MICAL1: variants seen among roughly 807,000 people sequenced by gnomAD.
The protein encoded by MICAL1 is microtubule associated monooxygenase, calponin and LIM domain containing 1.
Under a neutral mutation model 131.8 loss-of-function variants are expected in MICAL1, and 95 were observed. That is an observed-to-expected ratio of 0.72 (90% confidence interval 0.61 to 0.86). The LOEUF is 0.86. Among genes scored for constraint, MICAL1 ranks in the 40% least tolerant of loss-of-function variants. The pLI, the probability that MICAL1 is intolerant of heterozygous loss-of-function variation, is 0.00. For missense variants in MICAL1, 1,292 were observed against 1,380.6 expected, an observed-to-expected ratio of 0.94 and a Z score of 1.02; for synonymous variants, 546 against 554.2, an observed-to-expected ratio of 0.99 and a Z score of 0.21.
At position 109,446,125 on chromosome 6, in the gene MICAL1, G is replaced by A. The variant is rs1369094328; in HGVS notation, c.2581+11C>T. 2 of 1,533,942 alleles carry A rather than the reference G, an allele frequency of 1.3e-6. No individual in the cohort carries two copies. Among genetic ancestry groups the A allele is most frequent in the African/African-American group, 1.4e-5 (1 of 71,906 alleles). On this transcript the variant is annotated intron_variant, in intron 19 of 24. Coordinates refer to ENST00000358807, the MANE Select transcript of MICAL1 (RefSeq NM_022765.4). ...CCACCCTGGGTCAGCACATCTGTGA[G>A]GATGGGTTACCTTGAGGGCTCTGGA... is the stretch of plus-strand genomic sequence containing the variant.
chr6:109,447,599 G>A (rs1318167999), intron 15 of MICAL1, 82 bp downstream of exon 15: 8 of 1,599,560 alleles, frequency 5.0e-6, no homozygotes, highest in African/African-American at 4.0e-5. Context: ...AACAAGACAT[G>A]GGATGAGAAA....
At position 109,450,432 on chromosome 6, in the gene MICAL1, C is replaced by G. The variant is rs745836963; in HGVS notation, c.1059G>C (p.Gln353His). 24 of 1,613,490 alleles carry G rather than the reference C, an allele frequency of 1.5e-5. No individual in the cohort carries two copies. The highest frequency in any genetic ancestry group is 2.0e-5 in the Non-Finnish European group (24 of 1,180,022). ...AGACATCAGGCTGCCCATGGGCATC[C>G]TGGGCAAACTCTAGTTTCCCGAGCT... is the stretch of plus-strand genomic sequence containing the variant. ...HGKLGKLEFA[Q>H]DAHGQPDVSA... The change falls in exon 8 of 25, where the codon CAG (glutamine) becomes CAC (histidine). Residue 353 changes from glutamine (Q) to histidine (H), a missense_variant. Physicochemically the swap from Gln to His is conservative, Grantham distance 24. Coordinates refer to ENST00000358807, the MANE Select transcript of MICAL1 (RefSeq NM_022765.4).
intron 24 of MICAL1, 72 bp downstream of exon 24, chr6:109,444,653 C>A: frequency 6.5e-7 from 1 of 1,543,428 alleles, no homozygotes; most frequent in South Asian, 1.1e-5. Context: ...GTTGCTTGGT[C>A]AGTATCTGAG....
upstream of MICAL1, among the ~76,000 whole-genome samples, chr6:109,456,218 A>C (rs969957870): frequency 1.3e-5 from 2 of 152,160 alleles, no homozygotes; most frequent in East Asian, 3.9e-4. Flanking sequence ...CCGCGGTCCC[A>C]GGTCCGCTGG....
At chr6:109,453,399 C>A in intron 3 of MICAL1, 32 bp from the exon 4 acceptor site, 1 of 1,602,344 alleles carries the variant, frequency 6.2e-7, no homozygotes, top group Non-Finnish European at 8.5e-7. Flanking sequence ...GAACAGGGAC[C>A]CTAGGGCAGC....
chr6:109,465,806 G>C, exon 1 of MICAL1: 1 of 1,614,092 alleles, frequency 6.2e-7, no homozygotes, highest in Non-Finnish European at 8.5e-7. Context: ...AGTCAGAGCT[G>C]GCTTATAAGA....
rs1244589203 is a variant in MICAL1, at chr6:109,445,012, T to C, written c.2882-17A>G. On this transcript the variant is annotated splice_polypyrimidine_tract_variant and intron_variant, in intron 22 of 24. Transcript: ENST00000358807. The stretch of plus-strand genomic sequence containing the variant: ...CTGGGGAACCTGAGAAGAAGGAAGA[T>C]GGGTAGGGTGATCAGGAGGCTTCCA... 1.2e-6 allele frequency: 2 copies of C among 1,612,080 alleles called. No individual in the cohort carries two copies. Among genetic ancestry groups the C allele is most frequent in the African/African-American group, 1.3e-5 (1 of 75,026 alleles).
At chr6:109,460,423 C>T (rs1314007154), upstream of MICAL1, among the ~76,000 whole-genome samples, 16 of 121,640 alleles carry the variant, frequency 1.3e-4, no homozygotes, top group African/African-American at 4.8e-4. Flanking sequence ...CAAGACCCTA[C>T]GTAAAAAAAA....
rs1158220038 is a variant in MICAL1 at position 109,449,428 on chromosome 6, G to A, written c.1488C>T (p.Asp496=). The change falls in exon 11 of 25, where the codon GAC becomes GAT. Residue 496 remains aspartate, a synonymous_variant. Transcript: ENST00000358807. ...LAKEPVQRNN[D]KTDTGMPATG... ...TGGCTGGCATCCCTGTATCTGTCTT[G>A]TCGTTGTTCCTCTGCACAGGCTCCT... The A allele has an allele frequency of 8.1e-6, 13 of 1,614,094 alleles. No homozygotes were observed. Among genetic ancestry groups the A allele is most frequent in the South Asian group, 6.6e-5 (6 of 91,092 alleles).
In MICAL1 at chr6:109,453,742, C is replaced by A. The variant is rs374536962; in HGVS notation, c.362G>T (p.Arg121Leu). The A allele has an allele frequency of 6.2e-7, 1 of 1,613,802 alleles. No individual in the cohort carries two copies. The highest frequency in any genetic ancestry group is 1.1e-5 in the South Asian group (1 of 91,078). ...VLVEKRTKFS[R>L]HNVLHLWPFT... The stretch of plus-strand genomic sequence containing the variant: ...GGGCCAGAGGTGGAGCACGTTGTGG[C>A]GAGAGAACTTGGTGCGCTTTTCCAC... The change falls in exon 3 of 25, where the codon CGC becomes CTC. Residue 121 changes from arginine (R) to leucine (L), a missense_variant. Physicochemically the swap from Arg to Leu is moderately radical, Grantham distance 102. Transcript: ENST00000358807.
At chr6:109,452,679 A>G (rs1276862884) in intron 4 of MICAL1, 64 bp from the exon 5 acceptor site, 1 of 1,243,340 alleles carries the variant, frequency 8.0e-7, no homozygotes, top group Non-Finnish European at 1.1e-6. Flanking sequence ...TACTCTCAGG[A>G]CAAACCAGTG....
At chr6:109,460,827 A>T (rs1409425173) in intron 1 of MICAL1, among the ~76,000 whole-genome samples, 2 of 152,210 alleles carry the variant, frequency 1.3e-5, no homozygotes, top group Non-Finnish European at 2.9e-5. Context: ...TAACAAAAAT[A>T]AAACAAACCT....
At chr6:109,455,908 C>A, upstream of MICAL1, 1 of 985,488 alleles carries the variant, frequency 1.0e-6, no homozygotes, top group East Asian at 1.1e-4. This position sits in a 1 kb window ranked among gnomAD's most constrained non-coding sequence, Gnocchi z 4.7. Flanking sequence ...CGCGGGGCGC[C>A]GCCCGGGCTT....
chr6:109,464,104 A>G (rs926429297), intron 1 of MICAL1: 2 of 152,226 alleles, frequency 1.3e-5, no homozygotes, highest in Admixed American at 1.3e-4. Context: ...AATAAAATTA[A>G]ACAGTTTAAA....
At chr6:109,446,003 T>C in intron 19 of MICAL1, 133 bp downstream of exon 19, 2 of 1,481,800 alleles carry the variant, frequency 1.3e-6, no homozygotes, top group South Asian at 2.8e-5. Context: ...CTGAGAAGAA[T>C]GGAGCAGAGG....
At chr6:109,449,905 GC>G in intron 9 of MICAL1, 64 bp downstream of exon 9, 1 of 1,595,152 alleles carries the variant, frequency 6.3e-7, no homozygotes, top group Non-Finnish European at 8.6e-7. Flanking sequence ...CAGCACCCCT[GC>G]CCCTCTTCCT....
chr6:109,457,906 CAGA>C (rs1166340148), upstream of MICAL1, among the ~76,000 whole-genome samples: 11 of 152,282 alleles, frequency 7.2e-5, no homozygotes, highest in African/African-American at 2.2e-4. Context: ...TTCTGGAATC[CAGA>C]AGGTCTGGTT....
At chr6:109,463,630 T>C (rs1161566200) in intron 1 of MICAL1, 1 of 152,234 alleles carries the variant, frequency 6.6e-6, no homozygotes, top group Non-Finnish European at 1.5e-5. Flanking sequence ...CAACTGTAAG[T>C]TGTATGAAAT....
Position 109,455,723 on chromosome 6 carries a change from G to A in MICAL1, c.-48C>T, listed in dbSNP as rs1215439992. 25 of 983,586 alleles carry A rather than the reference G, an allele frequency of 2.5e-5. No individual in the cohort carries two copies. Among genetic ancestry groups the A allele is most frequent in the Non-Finnish European group, 3.0e-5 (25 of 829,586 alleles). The allele number at this position is 983,586 out of a possible 1,614,324, so 60.9% of individuals were successfully genotyped here. A position where few individuals can be genotyped will look rare whatever the true frequency, so the allele number is the denominator to read the frequency against. On this transcript the variant is annotated 5_prime_UTR_variant, in exon 1 of 25. Transcript: ENST00000358807. This position sits in a 1 kb window ranked among gnomAD's most constrained non-coding sequence, Gnocchi z 4.7. ...CGGCTCCGCTGGACGACTTACCGGCGGCTCCGAAGCCGGGAGGGGCCGCTT... is the reference window on the plus strand; with the variant it reads ...CGGCTCCGCTGGACGACTTACCGGCAGCTCCGAAGCCGGGAGGGGCCGCTT...
Sources: gnomAD v4.1 joint callset for allele counts (sites outside exome capture counted in the v4.1 genomes callset) on GRCh38, gnomAD v4.1.1 for gene constraint, Gnocchi (gnomAD v3.1) non-coding constraint, MANE v1.5 for transcripts, NCBI Gene and HGNC (gene_info 2026-07-23, HGNC 2026-07-21) for gene names.